PDSS2: variants seen among roughly 807,000 people sequenced by gnomAD.
PDSS2 encodes the protein decaprenyl diphosphate synthase subunit 2.
PDSS2 carries 31 observed loss-of-function variants against 44.5 expected under a neutral mutation model. That is an observed-to-expected ratio of 0.70 (90% confidence interval 0.52 to 0.94). The LOEUF (loss-of-function observed/expected upper bound fraction) is 0.94. Ranked by LOEUF, PDSS2 falls within the 40% of genes least tolerant of loss-of-function variation. The pLI is 0.00. For synonymous variants in PDSS2, 157 were observed against 180.3 expected, an observed-to-expected ratio of 0.87 and a Z score of 1.03; for missense variants, 452 against 482.2, an observed-to-expected ratio of 0.94 and a Z score of 0.59.
intron 1 of PDSS2, among the ~76,000 whole-genome samples, chr6:107,378,854 G>A (rs1181209375): frequency 1.3e-5 from 2 of 152,176 alleles, no homozygotes; most frequent in Non-Finnish European, 2.9e-5. Context: ...ATTAGACTGG[G>A]GTTATGAGTT....
At chr6:107,264,218 T>C (rs1006592868) in intron 3 of PDSS2, 1 of 1,172,294 alleles carries the variant, frequency 8.5e-7, no homozygotes. Flanking sequence ...ACTATATAGA[T>C]GGTGTAAAGG....
At chr6:107,301,677 G>T (rs1776698778) in intron 2 of PDSS2, among the ~76,000 whole-genome samples, 1 of 151,906 alleles carries the variant, frequency 6.6e-6, no homozygotes, top group Non-Finnish European at 1.5e-5. Flanking sequence ...TAAAAAAATA[G>T]TCCAGGCTGG....
chr6:107,405,866 A>G (rs930824154), intron 1 of PDSS2, among the ~76,000 whole-genome samples: 5 of 151,114 alleles, frequency 3.3e-5, no homozygotes, highest in African/African-American at 1.2e-4. Flanking sequence ...AAAAAAAAAA[A>G]GATACAGAAT....
chr6:107,335,561 A>C (rs1473272497), intron 1 of PDSS2, among the ~76,000 whole-genome samples: 2 of 152,224 alleles, frequency 1.3e-5, no homozygotes, highest in Non-Finnish European at 2.9e-5. Flanking sequence ...GGCAACAACA[A>C]GGCTTTAACT....
chr6:107,180,578 G>A (rs971296165), intron 7 of PDSS2, among the ~76,000 whole-genome samples: 1 of 152,136 alleles, frequency 6.6e-6, no homozygotes, highest in African/African-American at 2.4e-5. Context: ...TACCTATCCT[G>A]CACCAGGTGC....
intron 3 of PDSS2, among the ~76,000 whole-genome samples, chr6:107,259,708 G>A (rs1410867891): frequency 6.6e-6 from 1 of 151,574 alleles, no homozygotes; most frequent in Non-Finnish European, 1.5e-5. Context: ...AAAAATGAAA[G>A]AGAAAAAAAG....
chr6:107,165,262 T>G (rs1283371336), intron 7 of PDSS2, among the ~76,000 whole-genome samples: 39 of 152,204 alleles, frequency 2.6e-4, no homozygotes, highest in Non-Finnish European at 5.3e-4. Flanking sequence ...TGAATGGCAT[T>G]GCCTAGGTTT....
At chr6:107,291,727 T>G (rs1776356253) in intron 2 of PDSS2, among the ~76,000 whole-genome samples, 1 of 151,714 alleles carries the variant, frequency 6.6e-6, no homozygotes, top group Admixed American at 6.6e-5. Context: ...AGAGGCCAAG[T>G]GCCAGCTGGG....
intron 7 of PDSS2, among the ~76,000 whole-genome samples, chr6:107,157,619 C>T (rs565625373): frequency 2.0e-4 from 30 of 152,148 alleles, no homozygotes; most frequent in Admixed American, 1.3e-3. Flanking sequence ...TCCTCTTCCT[C>T]TGGGTACCTG....
chr6:107,187,636 C>T (rs1040941048), intron 7 of PDSS2, among the ~76,000 whole-genome samples: 4 of 151,844 alleles, frequency 2.6e-5, no homozygotes, highest in African/African-American at 9.7e-5. Context: ...TGCACTCCAG[C>T]CTGGGCAACA....
At chr6:107,431,759 T>C (rs1403822258) in intron 1 of PDSS2, among the ~76,000 whole-genome samples, 1 of 152,238 alleles carries the variant, frequency 6.6e-6, no homozygotes, top group African/African-American at 2.4e-5. Context: ...TTAATAACAG[T>C]AGCTATATTT....
rs1194839410 is a variant in PDSS2 at position 107,222,884 on chromosome 6, C to T, written c.703-10602G>A. Among the ~76,000 whole-genome samples the T allele has an allele frequency of 3.3e-5, 5 of 151,726 alleles. 1 individual carries two copies. The highest frequency in any genetic ancestry group is 1.2e-4 in the African/African-American group (5 of 41,286). Reference sequence around the variant, plus strand: ...ACATTGGGAGGCCAACATGTGAGGACAGCTTAAGCCTAAAATGTCAAGACC... The same window carrying T: ...ACATTGGGAGGCCAACATGTGAGGATAGCTTAAGCCTAAAATGTCAAGACC... On this transcript the variant is annotated intron_variant, in intron 4 of 7. Coordinates refer to ENST00000369037, the MANE Select transcript of PDSS2 (RefSeq NM_020381.4).
At chr6:107,294,621 CAT>C (rs1369109698) in intron 2 of PDSS2, among the ~76,000 whole-genome samples, 3 of 152,064 alleles carry the variant, frequency 2.0e-5, no homozygotes, top group Non-Finnish European at 4.4e-5. Flanking sequence ...ATGCGTAACT[CAT>C]AACATACTAT....
At chr6:107,412,236 T>TTA (rs1349121177) in intron 1 of PDSS2, among the ~76,000 whole-genome samples, 2 of 128,016 alleles carry the variant, frequency 1.6e-5, no homozygotes, top group Non-Finnish European at 3.4e-5. Context: ...CTTTGCTCTT[T>TTA]TTTTTTTTTT....
At chr6:107,404,594 T>C (rs1429182328) in intron 1 of PDSS2, among the ~76,000 whole-genome samples, 1 of 152,170 alleles carries the variant, frequency 6.6e-6, no homozygotes, top group African/African-American at 2.4e-5. Context: ...ACGTCTTACA[T>C]AGCAGCAGGC....
At chr6:107,328,050 C>T (rs1423620218) in intron 2 of PDSS2, among the ~76,000 whole-genome samples, 2 of 152,144 alleles carry the variant, frequency 1.3e-5, no homozygotes, top group Non-Finnish European at 2.9e-5. Flanking sequence ...AATACTATGT[C>T]CAAGGCATTG....
intron 7 of PDSS2, among the ~76,000 whole-genome samples, chr6:107,183,426 G>A (rs1772054959): frequency 6.6e-6 from 1 of 152,116 alleles, no homozygotes; most frequent in African/African-American, 2.4e-5. Context: ...GGCCAGGTGC[G>A]GTGGCTCATG....
chr6:107,256,127 G>A (rs1775012996), intron 3 of PDSS2, among the ~76,000 whole-genome samples: 1 of 152,004 alleles, frequency 6.6e-6, no homozygotes, highest in Non-Finnish European at 1.5e-5. Context: ...AGTAGCTGGG[G>A]CTACAGGTGC....
chr6:107,435,705 C>CTT (rs1781329048), intron 1 of PDSS2, among the ~76,000 whole-genome samples: 1 of 152,144 alleles, frequency 6.6e-6, no homozygotes, highest in African/African-American at 2.4e-5. Context: ...TTATTAAACA[C>CTT]TGTCAAGAGC....
Sources: allele counts gnomAD v4.1 joint callset (sites outside exome capture counted in the v4.1 genomes callset), GRCh38; gene constraint gnomAD v4.1.1; transcripts MANE v1.5; gene names NCBI Gene and HGNC (gene_info 2026-07-23, HGNC 2026-07-21).